Variants in THSD7B observed in about 807,000 individuals in gnomAD.
The protein encoded by THSD7B is thrombospondin type-1 domain-containing protein 7B.
A neutral mutation model predicts 213.6 loss-of-function variants in THSD7B; 138 were observed. The ratio of observed to expected loss-of-function variants is 0.65; its 90% CI spans 0.56 to 0.74. The LOEUF (loss-of-function observed/expected upper bound fraction) is 0.74, where lower values mean the gene tolerates loss of function less well. THSD7B is among the 30% of genes least tolerant of loss of function. The pLI is 0.00. For synonymous variants in THSD7B, 742 were observed against 687.0 expected (o/e 1.08, Z -1.25); for missense variants, 1,931 against 1,991.5 (o/e 0.97, Z 0.58).
intron 12 of THSD7B, among the ~76,000 whole-genome samples, chr2:137,321,434 G>A (rs1000796574): frequency 3.3e-5 from 5 of 152,150 alleles, no homozygotes; most frequent in Non-Finnish European, 5.9e-5. Context: ...TATAATAGGA[G>A]TGTTGTGTTT....
chr2:137,597,468 G>T (rs1408729349), intron 17 of THSD7B, among the ~76,000 whole-genome samples: 3 of 143,528 alleles, frequency 2.1e-5, no homozygotes, highest in African/African-American at 2.5e-5. Context: ...AAAAAAACCT[G>T]TTTTTTTTTT....
chr2:137,155,649 G>A (rs1032967886), intron 5 of THSD7B, among the ~76,000 whole-genome samples: 12 of 152,124 alleles, frequency 7.9e-5, no homozygotes, highest in African/African-American at 2.9e-4. Context: ...TTTTTAAAAA[G>A]TATGATAGTC....
chr2:137,295,146 T>A (rs929281952), intron 12 of THSD7B, among the ~76,000 whole-genome samples: 1 of 152,122 alleles, frequency 6.6e-6, no homozygotes, highest in Non-Finnish European at 1.5e-5. Context: ...TTTCTTCACA[T>A]TTTCTCACTG....
intron 12 of THSD7B, among the ~76,000 whole-genome samples, chr2:137,320,329 T>A (rs1457230942): frequency 1.3e-5 from 2 of 152,222 alleles, no homozygotes; most frequent in African/African-American, 4.8e-5. Context: ...GTATTGTTAA[T>A]CATTTTTGCA....
At chr2:137,258,684 AT>A (rs933125154) in intron 10 of THSD7B, among the ~76,000 whole-genome samples, 2 of 141,872 alleles carry the variant, frequency 1.4e-5, no homozygotes, top group Non-Finnish European at 1.5e-5. Flanking sequence ...TTTTCTGCAC[AT>A]TTTTTTTTAT....
intron 15 of THSD7B, among the ~76,000 whole-genome samples, chr2:137,536,676 TA>T (rs948364551): frequency 1.2e-4 from 17 of 147,264 alleles, no homozygotes; most frequent in South Asian, 2.1e-4. Flanking sequence ...TAACAAGATT[TA>T]AAAAAAAAAG....
chr2:136,954,897 ATT>A (rs892409107), intron 2 of THSD7B, among the ~76,000 whole-genome samples: 1 of 151,288 alleles, frequency 6.6e-6, no homozygotes, highest in African/African-American at 2.4e-5. Flanking sequence ...ATTTGTTTCT[ATT>A]TTTTTTACTG....
At chr2:137,315,226 C>A (rs941464319) in intron 12 of THSD7B, among the ~76,000 whole-genome samples, 1 of 152,216 alleles carries the variant, frequency 6.6e-6, no homozygotes, top group African/African-American at 2.4e-5. Flanking sequence ...GTTTTTTAAG[C>A]CCATCAGAAA....
chr2:136,986,212 G>T (rs1326339968), intron 2 of THSD7B, among the ~76,000 whole-genome samples: 1 of 152,136 alleles, frequency 6.6e-6, no homozygotes, highest in African/African-American at 2.4e-5. Context: ...TATTACTAAG[G>T]CATGATTGTA....
chr2:137,050,943 A>G (rs780958992), intron 2 of THSD7B, among the ~76,000 whole-genome samples: 23 of 152,160 alleles, frequency 1.5e-4, no homozygotes, highest in Non-Finnish European at 3.4e-4. Context: ...TTTCATTGCT[A>G]GTTTAGAAAG....
intron 27 of THSD7B, among the ~76,000 whole-genome samples, chr2:137,674,224 G>A (rs1683645243): frequency 6.6e-6 from 1 of 152,104 alleles, no homozygotes; most frequent in Non-Finnish European, 1.5e-5. Flanking sequence ...TTTAGCAAAT[G>A]CCCATTAAAG....
chr2:136,973,662 A>G (rs576343896), intron 2 of THSD7B, among the ~76,000 whole-genome samples: 24 of 152,340 alleles, frequency 1.6e-4, no homozygotes, highest in African/African-American at 4.8e-4. Context: ...TGCCATCTGT[A>G]GCAAGCTGTT....
intron 7 of THSD7B, among the ~76,000 whole-genome samples, chr2:137,204,224 A>G (rs1418302975): frequency 6.6e-6 from 1 of 152,086 alleles, no homozygotes; most frequent in East Asian, 1.9e-4. Context: ...TTAAAGGAAA[A>G]TAAGGATTGC....
At chr2:137,071,187 A>C (rs143830505) in intron 3 of THSD7B, among the ~76,000 whole-genome samples, 1 of 152,104 alleles carries the variant, frequency 6.6e-6, no homozygotes, top group Admixed American at 6.5e-5. Context: ...CAACAGTGTA[A>C]AAGTATTCCT....
At chr2:137,598,336 G>T (rs569608752) in intron 17 of THSD7B, among the ~76,000 whole-genome samples, 2 of 152,138 alleles carry the variant, frequency 1.3e-5, no homozygotes, top group Non-Finnish European at 2.9e-5. Flanking sequence ...AGGAGTAAAA[G>T]ATGATTTTCT....
At chr2:137,487,195 C>T (rs1344456805) in intron 15 of THSD7B, among the ~76,000 whole-genome samples, 2 of 147,872 alleles carry the variant, frequency 1.4e-5, no homozygotes, top group African/African-American at 5.2e-5. Context: ...GGTGAAACCC[C>T]GTCTCTACTA....
At chr2:136,983,332 A>AACACAC (rs113710126) in intron 2 of THSD7B, among the ~76,000 whole-genome samples, 4 of 27,590 alleles carry the variant, frequency 1.4e-4, no homozygotes, top group Non-Finnish European at 5.0e-4. Flanking sequence ...TTGTTGCTTC[A>AACACAC]ACACACACAC....
rs75270928 is a variant in THSD7B at position 136,885,072 on chromosome 2, A to G, written c.139+2755A>G. On this transcript the variant is annotated intron_variant, in intron 2 of 27. Coordinates refer to ENST00000409968, the MANE Select transcript of THSD7B (RefSeq NM_001316349.2). ...CTGTATTGCAGTTGAAATTAGCTGT[A>G]TTTTTAGGGTATGTTATCAAATCCA... Among the ~76,000 whole-genome samples the G allele has an allele frequency of 5.3e-5, 8 of 152,116 alleles. No individual in the cohort carries two copies. In the East Asian group the frequency reaches 1.5e-3, roughly 29 times the overall value.
intron 20 of THSD7B, 191 bp from the exon 21 acceptor site, chr2:137,642,297 C>A: frequency 1.7e-6 from 1 of 583,600 alleles, no homozygotes; most frequent in Non-Finnish European, 2.9e-6. Flanking sequence ...ATCCTTTAAG[C>A]ATTGTGAAAA....
Sources: allele counts gnomAD v4.1 joint callset (sites outside exome capture counted in the v4.1 genomes callset), GRCh38; gene constraint gnomAD v4.1.1; transcripts MANE v1.5; gene names NCBI Gene and HGNC (gene_info 2026-07-23, HGNC 2026-07-21).